The following UBR4 variants were observed in gnomAD, a reference collection of about 807,000 sequenced individuals.
UBR4 encodes the protein ubiquitin protein ligase E3 component n-recognin 4.
UBR4 carries 124 observed loss-of-function variants against 575.6 expected under a neutral mutation model. That is an observed-to-expected ratio of 0.22 (90% CI 0.19 to 0.25). The LOEUF is 0.25. UBR4 is among the 10% of genes least tolerant of loss of function. The pLI, the probability that UBR4 is intolerant of heterozygous loss-of-function variation, is 1.00. For synonymous variants in UBR4, 2,455 were observed against 2,473.7 expected, an observed-to-expected ratio of 0.99 and a Z score of 0.22; for missense variants, 4,818 against 6,478.8, an observed-to-expected ratio of 0.74 and a Z score of 8.80.
chr1:19,198,061 C>T lies in UBR4; in HGVS notation c.649-12G>A. The T allele has an allele frequency of 1.2e-6, 2 of 1,612,092 alleles. No individual in the cohort carries two copies. The highest frequency in any genetic ancestry group is 1.1e-5 in the South Asian group (1 of 91,048). On this transcript the variant is annotated splice_polypyrimidine_tract_variant and intron_variant, in intron 5 of 105. Coordinates refer to ENST00000375254, the MANE Select transcript of UBR4 (RefSeq NM_020765.3). ...TTTTCTCCTTCCACCTGAAAAGAAA[C>T]ATAAGGCCTGTCAAGATACTATTAT...
At chr1:19,177,059 G>A (rs1045128470) in intron 19 of UBR4, among the ~76,000 whole-genome samples, 1 of 152,184 alleles carries the variant, frequency 6.6e-6, no homozygotes, top group Non-Finnish European at 1.5e-5. Context: ...AGTCTGAACG[G>A]ATCCTCCTAT....
At chr1:19,158,480 C>T (rs2150442670) in intron 39 of UBR4, among the ~76,000 whole-genome samples, 1 of 152,000 alleles carries the variant, frequency 6.6e-6, no homozygotes, top group Admixed American at 6.5e-5. Context: ...AGGTTTCTCT[C>T]TGTCACCCAG....
At chr1:19,107,808 A>T (rs2079392456) in intron 81 of UBR4, among the ~76,000 whole-genome samples, 1 of 152,100 alleles carries the variant, frequency 6.6e-6, no homozygotes. Flanking sequence ...AAAATAAAAC[A>T]CTGAGAAATT....
At position 19,145,926 on chromosome 1, in the gene UBR4, C is replaced by G. The variant is rs767660583; in HGVS notation, c.7812G>C (p.Met2604Ile). The change falls in exon 53 of 106, where the codon ATG (methionine) becomes ATC (isoleucine). Residue 2604 changes from methionine to isoleucine, a missense_variant. Around this residue, in one of 29 missense-constraint regions of UBR4, gnomAD observed 340 missense variants for 375.4 expected, o/e 0.91. Coordinates refer to ENST00000375254, the MANE Select transcript of UBR4 (RefSeq NM_020765.3). ...SKLPQMETEG[M>I]DEGKEPQKQL... ...GCTTCTGCGGTTCCTTCCCTTCATC[C>G]ATTCCTTCTAAGCAGGAGAAAGAAA... The G allele has an allele frequency of 1.9e-6, 3 of 1,614,036 alleles. No individual in the cohort carries two copies. Among genetic ancestry groups the G allele is most frequent in the Non-Finnish European group, 2.5e-6 (3 of 1,179,918 alleles).
rs780629435 is a variant in UBR4, at chr1:19,076,806, C to T, written c.15421G>A (p.Ala5141Thr). 2.5e-5 allele frequency: 40 copies of T among 1,613,664 alleles called. No individual in the cohort carries two copies. The East Asian group carries it at 8.9e-4, about 36-fold the overall frequency. The change falls in exon 105 of 106, where the codon GCC becomes ACC. Residue 5141 changes from alanine (A) to threonine (T), a missense_variant. Around this residue, in one of 29 missense-constraint regions of UBR4, gnomAD observed 212 missense variants for 221.3 expected, o/e 0.96. Transcript: ENST00000375254. ...DMPIYEAADK[A>T]LKTFQEEFMP... ...AACTCCTCCTGGAAGGTTTTCAGGGCTTTGTCGGCAGCTTCGTAGATGGGC... is the reference window on the plus strand; with the variant it reads ...AACTCCTCCTGGAAGGTTTTCAGGGTTTTGTCGGCAGCTTCGTAGATGGGC...
chr1:19,090,079 G>C (rs1289204996), intron 97 of UBR4, among the ~76,000 whole-genome samples: 1 of 151,994 alleles, frequency 6.6e-6, no homozygotes, highest in African/African-American at 2.4e-5. Flanking sequence ...CACCTTACTC[G>C]CAAACCTCTG....
Position 19,186,550 on chromosome 1 carries a change from G to A in UBR4, c.1740C>T (p.Asp580=), listed in dbSNP as rs1571614159. Residue 580 remains aspartate (D), a synonymous_variant, in exon 14 of 106, where the codon GAC becomes GAT. Transcript: ENST00000375254. ...AAGAGCGGCCTCTACCTTGGCTGCT[G>A]TCCTCCTCCGTGCTACTGAAATCGT... ...YEDDFSSTEE[D]SSQDDDSEPI... The A allele has an allele frequency of 1.2e-6, 2 of 1,613,940 alleles. No individual in the cohort carries two copies. Among genetic ancestry groups the A allele is most frequent in the Non-Finnish European group, 1.7e-6 (2 of 1,179,908 alleles).
At position 19,088,201 on chromosome 1, in the gene UBR4, T is replaced by C. The variant is rs1290400355; in HGVS notation, c.14431-272A>G. Among the ~76,000 whole-genome samples the C allele has an allele frequency of 6.6e-6, 1 of 152,248 alleles. No individual in the cohort carries two copies. The highest frequency in any genetic ancestry group is 1.5e-5 in the Non-Finnish European group (1 of 68,042). On this transcript the variant is annotated intron_variant, in intron 98 of 105. Coordinates refer to ENST00000375254, the MANE Select transcript of UBR4 (RefSeq NM_020765.3). The surrounding 1 kb of genome is among the most constrained non-coding windows in gnomAD (Gnocchi z 4.0). ...CCATCAGAAAAGCCCCCTTTCTTCA[T>C]GCCAGCATCTTCGTGCCAGCAATGC...
Position 19,150,600 on chromosome 1 carries a change from C to G in UBR4, c.7407G>C (p.Thr2469=), listed in dbSNP as rs577980115. The G allele has an allele frequency of 1.9e-6, 3 of 1,613,472 alleles. No individual in the cohort carries two copies. Among genetic ancestry groups the G allele is most frequent in the Non-Finnish European group, 2.5e-6 (3 of 1,180,026 alleles). Residue 2469 remains threonine (T), a synonymous_variant, in exon 49 of 106, where the codon ACG becomes ACC. Coordinates refer to ENST00000375254, the MANE Select transcript of UBR4 (RefSeq NM_020765.3). Reference sequence around the variant, plus strand: ...ACCTCTCCAGGACAGTTCCACTGGTCGTAGTGGGGGCAGCTGAGTCGCTAT... The same window carrying G: ...ACCTCTCCAGGACAGTTCCACTGGTGGTAGTGGGGGCAGCTGAGTCGCTAT... ...TGDSDSAAPT[T]TSGTVLERLV...
At chr1:19,185,404 TG>T in intron 14 of UBR4, 118 bp from the exon 15 acceptor site, 1 of 1,003,522 alleles carries the variant, frequency 1.0e-6, no homozygotes, top group Non-Finnish European at 1.4e-6. Context: ...ATTGTGATGA[TG>T]GTTACAAGAT....
At chr1:19,161,544 G>T (rs2087377711) in intron 37 of UBR4, 45 bp downstream of exon 37, 1 of 1,545,514 alleles carries the variant, frequency 6.5e-7, no homozygotes, top group South Asian at 1.2e-5. Context: ...GTAATCCCGT[G>T]TCACTAACAA....
rs1245378005 is a variant in UBR4, at chr1:19,112,619, G to A, written c.11706C>T (p.Ser3902=). ...TNPALRHILV[S]QGLIRELFDY... is the part of the protein sequence containing the mutation. ...CAAAGAGCTCCCGGATAAGGCCCTGGGAGACAAGGATGTGCCTCAAGGCTG... is the reference window on the plus strand; with the variant it reads ...CAAAGAGCTCCCGGATAAGGCCCTGAGAGACAAGGATGTGCCTCAAGGCTG... Residue 3902 remains serine, a synonymous_variant, in exon 78 of 106, where the codon TCC becomes TCT. Transcript: ENST00000375254. 1 of 1,614,138 alleles carries A rather than the reference G, an allele frequency of 6.2e-7. No homozygotes were observed. The highest frequency in any genetic ancestry group is 2.2e-5 in the East Asian group (1 of 44,894).
chr1:19,080,687 T>C (rs1570143884), intron 103 of UBR4: 1 of 152,156 alleles, frequency 6.6e-6, no homozygotes, highest in Non-Finnish European at 1.5e-5. Context: ...GCAGCCTGAG[T>C]GGTACCCATG....
chr1:19,162,726 G>T, intron 34 of UBR4, 115 bp from the exon 35 acceptor site: 2 of 1,261,692 alleles, frequency 1.6e-6, no homozygotes, highest in Admixed American at 2.9e-5. Context: ...TGAGAGCAGA[G>T]AAGAAAAACA....
chr1:19,108,498 T>C (rs149818150), intron 81 of UBR4, among the ~76,000 whole-genome samples: 1 of 152,302 alleles, frequency 6.6e-6, no homozygotes, highest in East Asian at 1.9e-4. Context: ...GCAGAGGCGC[T>C]TTCTGTGTAC....
At chr1:19,146,002 A>G in intron 52 of UBR4, 69 bp from the exon 53 acceptor site, 1 of 1,611,878 alleles carries the variant, frequency 6.2e-7, no homozygotes, top group Non-Finnish European at 8.5e-7. Flanking sequence ...TTTAAGGTTA[A>G]CTCAGGTCAA....
At chr1:19,079,452 A>G (rs1249862679) in intron 103 of UBR4, 1 of 152,226 alleles carries the variant, frequency 6.6e-6, no homozygotes, top group Non-Finnish European at 1.5e-5. Flanking sequence ...CCTGGCAGAC[A>G]AGATAACAGA....
intron 51 of UBR4, among the ~76,000 whole-genome samples, chr1:19,147,397 GGT>G (rs1217257925): frequency 6.6e-6 from 1 of 152,122 alleles, no homozygotes; most frequent in African/African-American, 2.4e-5. Context: ...CAGTTCTCCG[GGT>G]TGGAGGCACA....
Position 19,147,962 on chromosome 1 carries a change from T to G in UBR4, c.7629+31A>C, listed in dbSNP as rs373940390. The G allele has an allele frequency of 4.3e-5, 69 of 1,604,312 alleles. 1 individual carries two copies. Among genetic ancestry groups the G allele is most frequent in the Non-Finnish European group, 5.1e-6 (6 of 1,174,976 alleles). On this transcript the variant is annotated intron_variant, in intron 51 of 105. Coordinates refer to ENST00000375254, the MANE Select transcript of UBR4 (RefSeq NM_020765.3). ...AACTTATTTGATTCCCTGTCAGCAC[T>G]GCAATTTCCTTTCCCTGAGAGAACA...
Sources: gnomAD v4.1 joint callset for allele counts (sites outside exome capture counted in the v4.1 genomes callset) on GRCh38, gnomAD v4.1.1 for gene constraint, gnomAD v4.1.1 regional missense constraint, Gnocchi (gnomAD v3.1) non-coding constraint, MANE v1.5 for transcripts, NCBI Gene and HGNC (gene_info 2026-07-23, HGNC 2026-07-21) for gene names.